DOCK7: variants seen among roughly 807,000 people sequenced by gnomAD.
DOCK7 encodes the protein dedicator of cytokinesis 7.
Under a neutral mutation model 271.0 loss-of-function variants are expected in DOCK7, and 138 were observed. That is an observed-to-expected ratio of 0.51 (90% CI 0.44 to 0.59). The LOEUF (loss-of-function observed/expected upper bound fraction) is 0.59. Ranked by LOEUF, DOCK7 falls within the 20% of genes least tolerant of loss-of-function variation. The probability of loss-of-function intolerance (pLI) is 0.00; values close to 1 mark genes in which losing one functional copy is unlikely to be tolerated. For missense variants in DOCK7, 2,066 were observed against 2,592.4 expected (o/e 0.80, Z 4.41); for synonymous variants, 823 against 876.1 (o/e 0.94, Z 1.07).
intron 7 of DOCK7, among the ~76,000 whole-genome samples, chr1:62,637,862 G>C (rs1400602920): frequency 6.6e-6 from 1 of 152,116 alleles, no homozygotes; most frequent in Non-Finnish European, 1.5e-5. Context: ...AACTGGCCTT[G>C]GAAAGAAAGA....
intron 20 of DOCK7, 61 bp from the exon 21 acceptor site, chr1:62,556,050 G>A (rs748830914): frequency 3.2e-5 from 48 of 1,519,304 alleles, no homozygotes; most frequent in Non-Finnish European, 3.5e-5. Context: ...TAAATTCCAC[G>A]AAGATCAACA....
At chr1:62,586,017 C>T (rs12030293) in intron 15 of DOCK7, among the ~76,000 whole-genome samples, 19,059 of 152,046 alleles carry the variant, frequency 0.13, 1,288 homozygotes, top group South Asian at 0.25. Context: ...GTTTGTCAAC[C>T]AAGGTAGGAA....
chr1:62,595,401 T>C (rs968802951), intron 14 of DOCK7, among the ~76,000 whole-genome samples: 1 of 152,208 alleles, frequency 6.6e-6, no homozygotes, highest in African/African-American at 2.4e-5. Flanking sequence ...GGTGTTATTC[T>C]CACTGGAGAG....
At position 62,545,722 on chromosome 1, in the gene DOCK7, ATCT is replaced by A. The variant is rs529655431; in HGVS notation, c.2767-686_2767-684del. On this transcript the variant is annotated intron_variant, in intron 22 of 49. Coordinates refer to ENST00000635253, the MANE Select transcript of DOCK7 (RefSeq NM_001367561.1). ...TTATAGGAATTATATCTTCATCATCATCTTCATTAATTTAAAATTTCTTTAAAA... is the reference window on the plus strand; with the variant it reads ...TTATAGGAATTATATCTTCATCATCATCATTAATTTAAAATTTCTTTAAAA... Among the ~76,000 whole-genome samples the A allele has an allele frequency of 8.5e-5, 13 of 152,244 alleles. 1 individual carries two copies. The South Asian group carries it at 2.5e-3, about 29-fold the overall frequency.
At chr1:62,636,196 G>A (rs1655250737) in intron 8 of DOCK7, among the ~76,000 whole-genome samples, 1 of 152,158 alleles carries the variant, frequency 6.6e-6, no homozygotes, top group Non-Finnish European at 1.5e-5. Context: ...AGCTTGCGCT[G>A]GTGAGAATTT....
In DOCK7 at chr1:62,630,099, T is replaced by A. The variant is rs371619767; in HGVS notation, c.1282+1141A>T. 3.3e-5 allele frequency among the ~76,000 whole-genome samples: 5 copies of A among 152,170 alleles called. No individual in the cohort carries two copies. In the East Asian group the frequency reaches 5.8e-4, roughly 18 times the overall value. On this transcript the variant is annotated intron_variant, in intron 11 of 49. Transcript: ENST00000635253. ...CCCTATGGTCTAAAAAGAATGTGTA[T>A]TCGGAGTTCCGAGCTAAGGAACCTG...
At chr1:62,587,163 C>T (rs1454714389) in intron 14 of DOCK7, among the ~76,000 whole-genome samples, 1 of 151,778 alleles carries the variant, frequency 6.6e-6, no homozygotes, top group Non-Finnish European at 1.5e-5. Flanking sequence ...TAGGTAGTTA[C>T]TACAAAACAA....
At chr1:62,605,880 A>G (rs1412386050) in intron 14 of DOCK7, 1 of 152,042 alleles carries the variant, frequency 6.6e-6, no homozygotes, top group Non-Finnish European at 1.5e-5. Context: ...ATTTTTTACC[A>G]CAGTATCACT....
chr1:62,651,399 T>A (rs942384841), intron 4 of DOCK7, among the ~76,000 whole-genome samples: 1 of 145,278 alleles, frequency 6.9e-6, no homozygotes, highest in Non-Finnish European at 1.5e-5. Context: ...TGTATACATA[T>A]GTAACAAACC....
intron 7 of DOCK7, chr1:62,641,395 G>T (rs890797041): frequency 2.5e-6 from 1 of 399,756 alleles, no homozygotes; most frequent in South Asian, 1.9e-5. Flanking sequence ...TGTCATAGGG[G>T]AGTGGGATCC....
chr1:62,464,630 C>T (rs535653483), intron 48 of DOCK7, among the ~76,000 whole-genome samples: 110 of 151,826 alleles, frequency 7.2e-4, no homozygotes, highest in African/African-American at 2.6e-3. Context: ...TGCAGTAAGC[C>T]GAGATCGCGC....
intron 7 of DOCK7, chr1:62,641,290 G>A: frequency 2.4e-6 from 1 of 419,988 alleles, no homozygotes; most frequent in Admixed American, 2.8e-5. Context: ...GGTACTTCCA[G>A]CCAACACCAT....
intron 7 of DOCK7, among the ~76,000 whole-genome samples, chr1:62,640,557 T>C (rs1048110889): frequency 5.3e-5 from 8 of 152,126 alleles, no homozygotes; most frequent in African/African-American, 1.7e-4. Context: ...TGTGTGTGTG[T>C]ATTTGTTCCC....
chr1:62,493,863 T>C (rs558955159), intron 40 of DOCK7, among the ~76,000 whole-genome samples: 9 of 152,262 alleles, frequency 5.9e-5, no homozygotes, highest in African/African-American at 1.7e-4. Context: ...CTGTGAGTCA[T>C]GGTATTAGTC....
rs114856119 is a variant in DOCK7 at position 62,685,123 on chromosome 1, G to A, written c.38+3104C>T. ...AGTAAAAAACAGTTGATACTTACTA[G>A]GCACTTAGAGCACTGTTCTAAGCAC... On this transcript the variant is annotated intron_variant, in intron 1 of 49. Coordinates refer to ENST00000635253, the MANE Select transcript of DOCK7 (RefSeq NM_001367561.1). Among the ~76,000 whole-genome samples, 510 of 152,240 alleles carry A rather than the reference G, an allele frequency of 3.3e-3. 3 individuals carry two copies. The highest frequency in any genetic ancestry group is 0.012 in the African/African-American group (491 of 41,528).
chr1:62,500,020 G>GCCTGCAATAGCAAAAT (rs1553156878), intron 37 of DOCK7, among the ~76,000 whole-genome samples: 2 of 151,864 alleles, frequency 1.3e-5, no homozygotes, highest in Non-Finnish European at 2.9e-5. Flanking sequence ...GGCAAGATGT[G>GCCTGCAATAGCAAAAT]CCTGCAATAG....
intron 11 of DOCK7, 44 bp downstream of exon 11, chr1:62,631,196 A>C: frequency 6.6e-7 from 1 of 1,516,416 alleles, no homozygotes; most frequent in Non-Finnish European, 8.8e-7. Context: ...AAAAAAAAAG[A>C]AAAAAGTAAA....
At chr1:62,616,848 T>C (rs1652499975) in intron 14 of DOCK7, among the ~76,000 whole-genome samples, 2 of 151,784 alleles carry the variant, frequency 1.3e-5, no homozygotes, top group East Asian at 1.9e-4. Context: ...CAGTATAATA[T>C]TGGACTACTC....
intron 43 of DOCK7, chr1:62,486,777 G>A (rs1369239148): frequency 6.6e-6 from 1 of 152,016 alleles, no homozygotes; most frequent in Non-Finnish European, 1.5e-5. Flanking sequence ...CCTCAGTAGT[G>A]CTCATAGTCA....
Sources: gnomAD v4.1 joint callset for allele counts (sites outside exome capture counted in the v4.1 genomes callset) on GRCh38, gnomAD v4.1.1 for gene constraint, MANE v1.5 for transcripts, NCBI Gene and HGNC (gene_info 2026-07-23, HGNC 2026-07-21) for gene names.